SOS1: variants seen among roughly 807,000 people sequenced by gnomAD.
SOS1 encodes the protein SOS Ras/Rac guanine nucleotide exchange factor 1, also known as son of sevenless homolog 1.
In SOS1, 25 loss-of-function variants were observed where a neutral mutation model predicts 157.6. The observed-to-expected ratio is 0.16, with a 90% CI of 0.12 to 0.22. The LOEUF (loss-of-function observed/expected upper bound fraction) is 0.22, where lower values mean the gene tolerates loss of function less well. Among genes scored for constraint, SOS1 ranks in the 10% least tolerant of loss-of-function variants. The probability of loss-of-function intolerance (pLI) is 1.00; values close to 1 mark genes in which losing one functional copy is unlikely to be tolerated. For synonymous variants in SOS1, 528 were observed against 534.0 expected, an observed-to-expected ratio of 0.99 and a Z score of 0.16; for missense variants, 1,237 against 1,599.1, an observed-to-expected ratio of 0.77 and a Z score of 3.86.
At chr2:39,034,404 A>C (rs1213666493) in intron 8 of SOS1, among the ~76,000 whole-genome samples, 6 of 152,254 alleles carry the variant, frequency 3.9e-5, no homozygotes, top group Non-Finnish European at 7.3e-5. Flanking sequence ...CTGTGAAAGA[A>C]TCATGATACT....
intron 1 of SOS1, among the ~76,000 whole-genome samples, chr2:39,105,975 G>C (rs1572896216): frequency 6.6e-6 from 1 of 152,142 alleles, no homozygotes; most frequent in East Asian, 1.9e-4. Flanking sequence ...CTAGCAATTT[G>C]GGAGGCCCAG....
At chr2:39,086,455 T>C (rs1291913550) in intron 1 of SOS1, among the ~76,000 whole-genome samples, 1 of 152,214 alleles carries the variant, frequency 6.6e-6, no homozygotes, top group South Asian at 2.1e-4. Context: ...ATGCTTGAGA[T>C]CTTTCAGACA....
intron 5 of SOS1, among the ~76,000 whole-genome samples, chr2:39,052,609 C>T (rs1671058548): frequency 6.6e-6 from 1 of 152,168 alleles, no homozygotes; most frequent in African/African-American, 2.4e-5. Flanking sequence ...TGCACCCATG[C>T]TGTTGCACGC....
At position 39,023,069 on chromosome 2, in the gene SOS1, T is replaced by C. The variant is rs765370998; in HGVS notation, c.1359A>G (p.Val453=). ...ATATGTGTCTCTCATGTTTGGCTCC[T>C]ACACGTGTAAGAGTTCCTTCCATTA... ...EFIMEGTLTR[V]GAKHERHIFL... The change falls in exon 10 of 23, where the codon GTA becomes GTG. Residue 453 remains valine (V), a synonymous_variant. Transcript: ENST00000402219. 1.9e-6 allele frequency: 3 copies of C among 1,613,848 alleles called. No homozygotes were observed. Among genetic ancestry groups the C allele is most frequent in the South Asian group, 2.2e-5 (2 of 91,080 alleles).
At position 38,997,245 on chromosome 2, in the gene SOS1, C is replaced by G. The variant is rs773258746; in HGVS notation, c.2964+8G>C. On this transcript the variant is annotated splice_region_variant and intron_variant, in intron 18 of 22. Coordinates refer to ENST00000402219, the MANE Select transcript of SOS1 (RefSeq NM_005633.4). ...CAGAAGTATGAATCTTTAAATAATT[C>G]AACTTACTTTGATATCTGATTCTAC... is the stretch of plus-strand genomic sequence containing the variant. The G allele has an allele frequency of 1.3e-6, 2 of 1,595,138 alleles. No individual in the cohort carries two copies. The highest frequency in any genetic ancestry group is 2.2e-5 in the South Asian group (2 of 90,194).
chr2:39,115,408 T>C lies in SOS1; in HGVS notation c.87+4928A>G, dbSNP rs559953791. Among the ~76,000 whole-genome samples the C allele has an allele frequency of 6.1e-3, 673 of 111,080 alleles. 5 individuals are homozygous for C. Among genetic ancestry groups the C allele is most frequent in the African/African-American group, 0.025 (621 of 25,342 alleles). The allele number at this position is 111,080 out of a possible 152,430, so 72.9% of individuals were successfully genotyped here. ...TTTGTATCAAATTTGTTCTCTCTCT[T>C]TTTTTTTTTTTTTTTTTTTTTTTTG... On this transcript the variant is annotated intron_variant, in intron 1 of 22. Coordinates refer to ENST00000402219, the MANE Select transcript of SOS1 (RefSeq NM_005633.4).
chr2:38,998,969 T>G (rs1668995448), intron 17 of SOS1, among the ~76,000 whole-genome samples: 5 of 152,210 alleles, frequency 3.3e-5, no homozygotes, highest in African/African-American at 9.6e-5. Context: ...AACTGTTGGC[T>G]ACTACAGTAT....
chr2:39,001,419 T>C (rs1358675148), intron 17 of SOS1, among the ~76,000 whole-genome samples: 1 of 152,204 alleles, frequency 6.6e-6, no homozygotes, highest in Non-Finnish European at 1.5e-5. Flanking sequence ...AATATTTTAG[T>C]TTATGGAGAA....
chr2:39,119,201 G>GT (rs752935352), intron 1 of SOS1, among the ~76,000 whole-genome samples: 1 of 152,206 alleles, frequency 6.6e-6, no homozygotes, highest in East Asian at 1.9e-4. Flanking sequence ...CTTTTCTTCT[G>GT]TTTTTTAAAA....
Position 38,982,169 on chromosome 2 carries a change from T to C in SOS1, c.*3655A>G, listed in dbSNP as rs1211589192. ...TTGGCTACTTAATGCACTATTTTCA[T>C]TAAAGGCAAAAGGGAAATTTGCTCA... On this transcript the variant is annotated 3_prime_UTR_variant, in exon 23 of 23. Transcript: ENST00000402219. The C allele has an allele frequency of 6.6e-6, 1 of 152,160 alleles. No homozygotes were observed. The allele number at this position is 152,160 out of a possible 1,614,324, so 9.4% of individuals were successfully genotyped here. A position where few individuals can be genotyped will look rare whatever the true frequency, so the allele number is the denominator to read the frequency against.
chr2:39,123,482 C>T (rs576582846), upstream of SOS1, among the ~76,000 whole-genome samples: 1 of 152,094 alleles, frequency 6.6e-6, no homozygotes, highest in South Asian at 2.1e-4. Flanking sequence ...CTCAGCTTCC[C>T]GAGTAGCTGG....
chr2:39,082,203 G>A (rs537485618), intron 1 of SOS1, among the ~76,000 whole-genome samples: 1 of 152,030 alleles, frequency 6.6e-6, no homozygotes, highest in Non-Finnish European at 1.5e-5. Flanking sequence ...TACAAAACTT[G>A]CCTGTTCAAT....
At position 39,120,983 on chromosome 2, in the gene SOS1, GCCGCCGCCA is replaced by G. The variant is rs910938211; in HGVS notation, c.-570_-562del. On this transcript the variant is annotated 5_prime_UTR_variant, in exon 1 of 23. Transcript: ENST00000402219. Reference sequence around the variant, plus strand: ...GCTGCCCTGAGGTGCCGCCGCGGCCGCCGCCGCCACCGCCGCCGCCGGTGTAGCGCTGGA... The same window carrying G: ...GCTGCCCTGAGGTGCCGCCGCGGCCGCCGCCGCCGCCGGTGTAGCGCTGGA... 19 of 176,076 alleles carry G rather than the reference GCCGCCGCCA, an allele frequency of 1.1e-4. No individual in the cohort carries two copies. The highest frequency in any genetic ancestry group is 4.3e-4 in the African/African-American group (18 of 41,648). The allele number at this position is 176,076 out of a possible 1,614,324, so 10.9% of individuals were successfully genotyped here. A position where few individuals can be genotyped will look rare whatever the true frequency, so the allele number is the denominator to read the frequency against.
intron 1 of SOS1, among the ~76,000 whole-genome samples, chr2:39,115,735 G>A (rs1295630080): frequency 6.6e-6 from 1 of 152,144 alleles, no homozygotes; most frequent in Non-Finnish European, 1.5e-5. Flanking sequence ...ACCACACCCA[G>A]CCAGTTTGTT....
chr2:38,988,784 A>C (rs986893275), intron 21 of SOS1, among the ~76,000 whole-genome samples: 2 of 152,138 alleles, frequency 1.3e-5, no homozygotes, highest in Non-Finnish European at 2.9e-5. Flanking sequence ...TTTGTTTATC[A>C]GTATTTAGGC....
At chr2:39,094,668 T>C (rs1318295926) in intron 1 of SOS1, among the ~76,000 whole-genome samples, 1 of 151,510 alleles carries the variant, frequency 6.6e-6, no homozygotes, top group African/African-American at 2.4e-5. Flanking sequence ...AATAAATAAA[T>C]AAATAAATAA....
intron 17 of SOS1, among the ~76,000 whole-genome samples, chr2:39,000,060 T>TA: frequency 6.6e-6 from 1 of 152,006 alleles, no homozygotes; most frequent in South Asian, 2.1e-4. Flanking sequence ...ATTTAAGAGG[T>TA]AGACTCCCCA....
chr2:38,987,226 CTT>C (rs1668583657), intron 22 of SOS1, among the ~76,000 whole-genome samples: 1 of 152,106 alleles, frequency 6.6e-6, no homozygotes. Context: ...CAGATTAAAA[CTT>C]TTGTTTTTTT....
At chr2:39,059,395 T>C (rs954335688) in intron 2 of SOS1, among the ~76,000 whole-genome samples, 1 of 152,216 alleles carries the variant, frequency 6.6e-6, no homozygotes, top group Non-Finnish European at 1.5e-5. Context: ...AGAAATTCTT[T>C]AGTTAAAATT....
Sources: allele counts gnomAD v4.1 joint callset (sites outside exome capture counted in the v4.1 genomes callset), GRCh38; gene constraint gnomAD v4.1.1; transcripts MANE v1.5; gene names NCBI Gene and HGNC (gene_info 2026-07-23, HGNC 2026-07-21).